UBAP1: variants seen among roughly 807,000 people sequenced by gnomAD.
The protein encoded by UBAP1 is ubiquitin associated protein 1, also known as ubiquitin-associated protein 1.
In UBAP1, 5 loss-of-function variants were observed where a neutral mutation model predicts 39.0. The observed-to-expected ratio is 0.13, with a 90% confidence interval of 0.07 to 0.27. The LOEUF (loss-of-function observed/expected upper bound fraction) is 0.27, where lower values mean the gene tolerates loss of function less well. UBAP1 is among the 10% of genes least tolerant of loss of function. The probability of loss-of-function intolerance (pLI) is 1.00; values close to 1 mark genes in which losing one functional copy is unlikely to be tolerated. For synonymous variants in UBAP1, 211 were observed against 225.1 expected, an observed-to-expected ratio of 0.94 and a Z score of 0.56; for missense variants, 490 against 608.1, an observed-to-expected ratio of 0.81 and a Z score of 2.04.
intron 1 of UBAP1, among the ~76,000 whole-genome samples, chr9:34,216,804 G>T (rs964118957): frequency 6.6e-6 from 1 of 151,698 alleles, no homozygotes; most frequent in Non-Finnish European, 1.5e-5. Flanking sequence ...GTACCACCAT[G>T]CTCGGCTAAT....
intron 1 of UBAP1, among the ~76,000 whole-genome samples, chr9:34,191,026 G>A (rs888918431): frequency 6.6e-6 from 1 of 152,028 alleles, no homozygotes; most frequent in Non-Finnish European, 1.5e-5. Flanking sequence ...ATTTCATTTA[G>A]TAGTATAAGA....
rs1427892288 is a variant in UBAP1, at chr9:34,251,535, C to T, written c.*3C>T. The stretch of plus-strand genomic sequence containing the variant: ...TGGCTCGGGCAGGAGCCAGCTGAGA[C>T]CAGGCCCTGCCTAGGCCCTGCCGCA... On this transcript the variant is annotated 3_prime_UTR_variant, in exon 7 of 7. Coordinates refer to ENST00000297661, the MANE Select transcript of UBAP1 (RefSeq NM_016525.5). The T allele has an allele frequency of 6.8e-6, 11 of 1,613,564 alleles. No homozygotes were observed. In the South Asian group the frequency reaches 9.9e-5, roughly 15 times the overall value.
chr9:34,222,312 G>A (rs1374267590), intron 2 of UBAP1, among the ~76,000 whole-genome samples: 1 of 152,048 alleles, frequency 6.6e-6, no homozygotes, highest in African/African-American at 2.4e-5. Context: ...TTTGAATTTT[G>A]ATTTGTCAGT....
chr9:34,236,775 A>G (rs1419625723), intron 3 of UBAP1, among the ~76,000 whole-genome samples: 1 of 151,902 alleles, frequency 6.6e-6, no homozygotes, highest in Non-Finnish European at 1.5e-5. Context: ...CATAGTTTCT[A>G]GAATGATCTT....
chr9:34,199,044 TC>T (rs1390116780), intron 1 of UBAP1, among the ~76,000 whole-genome samples: 1 of 152,206 alleles, frequency 6.6e-6, no homozygotes, highest in Non-Finnish European at 1.5e-5. Flanking sequence ...GACCTCCTAT[TC>T]CACCATCATG....
intron 3 of UBAP1, among the ~76,000 whole-genome samples, chr9:34,238,577 T>C (rs967766898): frequency 2.0e-5 from 3 of 152,208 alleles, no homozygotes; most frequent in Non-Finnish European, 4.4e-5. Context: ...TCTCTCATTG[T>C]GGTTTTTATT....
chr9:34,215,374 T>C (rs1832248376), intron 1 of UBAP1, among the ~76,000 whole-genome samples: 1 of 151,984 alleles, frequency 6.6e-6, no homozygotes, highest in Non-Finnish European at 1.5e-5. Flanking sequence ...AAGGAATGAA[T>C]TAGCATTTGC....
intron 2 of UBAP1, among the ~76,000 whole-genome samples, chr9:34,222,740 G>C (rs534426588): frequency 6.6e-6 from 1 of 151,816 alleles, no homozygotes. Flanking sequence ...CAAGGCTGCA[G>C]TGAGCCATGA....
Position 34,192,384 on chromosome 9 carries a change from G to A in UBAP1, c.-8+13144G>A, listed in dbSNP as rs150958253. ...ACAAAAATTAGCCGGGTATGGTGGC[G>A]CACGCCTGTGATCCCAGCTACTCAG... On this transcript the variant is annotated intron_variant, in intron 1 of 6. Coordinates refer to ENST00000297661, the MANE Select transcript of UBAP1 (RefSeq NM_016525.5). Among the ~76,000 whole-genome samples, 208 of 151,804 alleles carry A rather than the reference G, an allele frequency of 1.4e-3. 1 individual carries two copies. Among genetic ancestry groups the A allele is most frequent in the South Asian group, 9.0e-3 (43 of 4,798 alleles).
chr9:34,228,569 T>TCC (rs371616909), intron 2 of UBAP1, among the ~76,000 whole-genome samples: 3 of 137,446 alleles, frequency 2.2e-5, no homozygotes, highest in African/African-American at 5.6e-5. Flanking sequence ...TTTCTTTGTT[T>TCC]CCCCCCCCCC....
At chr9:34,214,427 A>G (rs1441651921) in intron 1 of UBAP1, among the ~76,000 whole-genome samples, 1 of 152,162 alleles carries the variant, frequency 6.6e-6, no homozygotes, top group Admixed American at 6.6e-5. Context: ...GGGAAAGGAT[A>G]CCCTTTTTAA....
chr9:34,189,307 G>T (rs1830587492), intron 1 of UBAP1, among the ~76,000 whole-genome samples: 1 of 151,556 alleles, frequency 6.6e-6, no homozygotes, highest in Admixed American at 6.6e-5. Context: ...TTTCACCTCA[G>T]CCTCCCGAGT....
chr9:34,217,783 C>CTATT (rs1832414854), intron 1 of UBAP1, among the ~76,000 whole-genome samples: 1 of 41,212 alleles, frequency 2.4e-5, no homozygotes, highest in African/African-American at 1.0e-4. Context: ...GGATTTCGTT[C>CTATT]TTTTTTTTTT....
rs539362755 is a variant in UBAP1, at chr9:34,194,802, A to G, written c.-8+15562A>G. ...AGATAGTTACTATTATCTCTATTTT[A>G]TTTTTCTTTTTTCAGCCAGTCAAAT... On this transcript the variant is annotated intron_variant, in intron 1 of 6. Coordinates refer to ENST00000297661, the MANE Select transcript of UBAP1 (RefSeq NM_016525.5). Among the ~76,000 whole-genome samples, 3 of 152,104 alleles carry G rather than the reference A, an allele frequency of 2.0e-5. No homozygotes were observed. In the South Asian group the frequency reaches 6.2e-4, roughly 32 times the overall value.
intron 1 of UBAP1, among the ~76,000 whole-genome samples, chr9:34,217,905 C>A (rs1240866046): frequency 7.2e-6 from 1 of 138,000 alleles, no homozygotes; most frequent in Non-Finnish European, 1.5e-5. Context: ...TCAAGTGATT[C>A]TCATGCTGGA....
intron 1 of UBAP1, among the ~76,000 whole-genome samples, chr9:34,213,319 T>C (rs1832117250): frequency 1.3e-5 from 2 of 152,082 alleles, no homozygotes; most frequent in Admixed American, 1.3e-4. Context: ...GAGACCAGCC[T>C]GGCCAACATG....
At chr9:34,211,021 A>G (rs1831991812) in intron 1 of UBAP1, among the ~76,000 whole-genome samples, 1 of 152,164 alleles carries the variant, frequency 6.6e-6, no homozygotes, top group African/African-American at 2.4e-5. Context: ...TCAGTAAGAA[A>G]AAAAATGGGA....
intron 3 of UBAP1, among the ~76,000 whole-genome samples, chr9:34,238,445 C>CTTTG (rs1196603744): frequency 6.6e-6 from 1 of 152,166 alleles, no homozygotes; most frequent in Non-Finnish European, 1.5e-5. Flanking sequence ...TGCTATTTTT[C>CTTTG]CAAAGTGGCT....
chr9:34,251,839 A>T lies in UBAP1; in HGVS notation c.*307A>T. The T allele has an allele frequency of 5.1e-6, 1 of 195,736 alleles. No homozygotes were observed. Among genetic ancestry groups the T allele is most frequent in the Non-Finnish European group, 1.1e-5 (1 of 94,474 alleles). The allele number at this position is 195,736 out of a possible 1,614,324, so 12.1% of individuals were successfully genotyped here. On this transcript the variant is annotated 3_prime_UTR_variant, in exon 7 of 7. Transcript: ENST00000297661. ...CTACCCTAGTCTTTCTGGGGTGTTT[A>T]TGTCCTCAGCTGAAGCCTGGCCTAG...
Sources: gnomAD v4.1 joint callset for allele counts (sites outside exome capture counted in the v4.1 genomes callset) on GRCh38, gnomAD v4.1.1 for gene constraint, MANE v1.5 for transcripts, NCBI Gene and HGNC (gene_info 2026-07-23, HGNC 2026-07-21) for gene names.